The following ARHGAP24 variants were observed in gnomAD, a reference collection of about 807,000 sequenced individuals.
ARHGAP24 encodes rho GTPase-activating protein 24.
Under a neutral mutation model 76.4 loss-of-function variants are expected in ARHGAP24, and 50 were observed. That is an observed-to-expected ratio of 0.65 (90% CI 0.52 to 0.83). ARHGAP24 has a LOEUF of 0.83. Ranked by LOEUF, ARHGAP24 falls within the 40% of genes least tolerant of loss-of-function variation. The pLI, the probability that ARHGAP24 is intolerant of heterozygous loss-of-function variation, is 0.00. For missense variants in ARHGAP24, 930 were observed against 914.2 expected, an observed-to-expected ratio of 1.02 and a Z score of -0.22; for synonymous variants, 345 against 323.3, an observed-to-expected ratio of 1.07 and a Z score of -0.72.
chr4:85,568,334 G>T (rs1203140260), intron 1 of ARHGAP24, among the ~76,000 whole-genome samples: 1 of 152,050 alleles, frequency 6.6e-6, no homozygotes, highest in Non-Finnish European at 1.5e-5. Context: ...GCGTGTGTGT[G>T]TGGTGGAATG....
intron 5 of ARHGAP24, among the ~76,000 whole-genome samples, chr4:85,959,030 C>A: frequency 6.6e-6 from 1 of 152,016 alleles, no homozygotes; most frequent in South Asian, 2.1e-4. Context: ...AGGGCGAGTC[C>A]GTAGAGTAAA....
intron 3 of ARHGAP24, among the ~76,000 whole-genome samples, chr4:85,787,643 C>A (rs376239194): frequency 6.6e-6 from 1 of 152,168 alleles, no homozygotes; most frequent in Admixed American, 6.5e-5. Context: ...AAACAGATTT[C>A]TTTACCCTAC....
intron 1 of ARHGAP24, among the ~76,000 whole-genome samples, chr4:85,487,190 A>T (rs1023932386): frequency 5.1e-5 from 7 of 136,410 alleles, no homozygotes; most frequent in East Asian, 2.0e-4. Context: ...TATATATATA[A>T]AAATATATAT....
intron 1 of ARHGAP24, among the ~76,000 whole-genome samples, chr4:85,545,419 G>A (rs1464063899): frequency 2.0e-5 from 3 of 151,958 alleles, no homozygotes. Flanking sequence ...TTTTTTAAAG[G>A]CAAAAAGTAC....
intron 3 of ARHGAP24, among the ~76,000 whole-genome samples, chr4:85,746,338 C>T (rs991323989): frequency 5.9e-5 from 9 of 152,256 alleles, no homozygotes; most frequent in African/African-American, 2.2e-4. Context: ...CTGACTGATT[C>T]TTCATGACTT....
chr4:85,797,429 TC>T (rs1198693502), intron 3 of ARHGAP24, among the ~76,000 whole-genome samples: 2 of 152,140 alleles, frequency 1.3e-5, no homozygotes, highest in Non-Finnish European at 2.9e-5. Flanking sequence ...CGCCTCGGCC[TC>T]CCAAAGTGCT....
At chr4:85,871,825 C>T (rs2110191920) in intron 3 of ARHGAP24, among the ~76,000 whole-genome samples, 1 of 152,164 alleles carries the variant, frequency 6.6e-6, no homozygotes, top group African/African-American at 2.4e-5. Context: ...ATCCATCCTC[C>T]CGCCAACAAA....
At chr4:85,495,094 CA>C (rs77619824) in intron 1 of ARHGAP24, among the ~76,000 whole-genome samples, 16,608 of 70,488 alleles carry the variant, frequency 0.24, 723 homozygotes, top group Admixed American at 0.33. Context: ...GACTCCGTCT[CA>C]AAAAAAAAAA....
chr4:85,629,563 G>A (rs1721092474), intron 2 of ARHGAP24, among the ~76,000 whole-genome samples: 1 of 152,068 alleles, frequency 6.6e-6, no homozygotes, highest in Non-Finnish European at 1.5e-5. Context: ...CATAGTTTTT[G>A]TTTGTGTGGG....
At chr4:85,931,616 G>A (rs1736337044) in intron 4 of ARHGAP24, among the ~76,000 whole-genome samples, 1 of 152,148 alleles carries the variant, frequency 6.6e-6, no homozygotes, top group Non-Finnish European at 1.5e-5. Flanking sequence ...GGCACTGGGA[G>A]AGGGCAAAGA....
At chr4:85,924,999 T>A (rs958303583) in intron 4 of ARHGAP24, among the ~76,000 whole-genome samples, 9 of 152,082 alleles carry the variant, frequency 5.9e-5, no homozygotes, top group African/African-American at 1.7e-4. Context: ...GTTACCTTAT[T>A]CATAACCCAG....
At chr4:85,980,953 A>G (rs1739627404) in intron 8 of ARHGAP24, among the ~76,000 whole-genome samples, 1 of 152,222 alleles carries the variant, frequency 6.6e-6, no homozygotes, top group African/African-American at 2.4e-5. Context: ...CGCATTTACA[A>G]TAGGGAAGAA....
intron 2 of ARHGAP24, among the ~76,000 whole-genome samples, chr4:85,692,369 T>C (rs920644106): frequency 3.3e-5 from 5 of 152,174 alleles, no homozygotes; most frequent in South Asian, 2.1e-4. Context: ...ATTTGCAACC[T>C]CTCTAACAAG....
chr4:85,887,640 T>C (rs1010005973), intron 3 of ARHGAP24, among the ~76,000 whole-genome samples: 1 of 152,186 alleles, frequency 6.6e-6, no homozygotes, highest in Non-Finnish European at 1.5e-5. Flanking sequence ...GCTAAATTAC[T>C]GTAACATAAA....
chr4:85,850,877 T>C (rs1731183537), intron 3 of ARHGAP24, among the ~76,000 whole-genome samples: 1 of 152,194 alleles, frequency 6.6e-6, no homozygotes, highest in Non-Finnish European at 1.5e-5. Flanking sequence ...AACTATGTGG[T>C]CAATTTTGGA....
intron 1 of ARHGAP24, among the ~76,000 whole-genome samples, chr4:85,558,353 A>G (rs1479636682): frequency 6.6e-6 from 1 of 152,206 alleles, no homozygotes; most frequent in Non-Finnish European, 1.5e-5. Context: ...CTTTCTCTAA[A>G]CTGCTAATTA....
At chr4:85,751,530 G>T (rs1167570334) in intron 3 of ARHGAP24, among the ~76,000 whole-genome samples, 3 of 152,154 alleles carry the variant, frequency 2.0e-5, no homozygotes, top group African/African-American at 7.2e-5. Flanking sequence ...ATTGCCAAAT[G>T]TTTTTCCAAA....
chr4:85,661,461 A>T (rs1274851129), intron 2 of ARHGAP24, among the ~76,000 whole-genome samples: 2 of 152,184 alleles, frequency 1.3e-5, no homozygotes, highest in Non-Finnish European at 2.9e-5. Context: ...AATTTTCAAA[A>T]ACAATAAGGT....
At chr4:85,621,448 A>C (rs1720716568) in intron 2 of ARHGAP24, among the ~76,000 whole-genome samples, 1 of 152,068 alleles carries the variant, frequency 6.6e-6, no homozygotes, top group African/African-American at 2.4e-5. Context: ...TTGACTTTTT[A>C]ATAACAGCCA....
Sources: gnomAD v4.1 joint callset for allele counts (sites outside exome capture counted in the v4.1 genomes callset) on GRCh38, gnomAD v4.1.1 for gene constraint, MANE v1.5 for transcripts, NCBI Gene and HGNC (gene_info 2026-07-23, HGNC 2026-07-21) for gene names.